The following DIP2C variants were observed in gnomAD, a reference collection of about 807,000 sequenced individuals.
The protein encoded by DIP2C is DIP2 acetate--CoA ligase C (putative).
DIP2C carries 33 observed loss-of-function variants against 192.4 expected under a neutral mutation model. The observed-to-expected ratio is 0.17, with a 90% CI of 0.13 to 0.23. The LOEUF (loss-of-function observed/expected upper bound fraction) is 0.23, where lower values mean the gene tolerates loss of function less well. Among genes scored for constraint, DIP2C ranks in the 10% least tolerant of loss-of-function variants. DIP2C has a pLI of 1.00. For synonymous variants in DIP2C, 979 were observed against 864.1 expected, an observed-to-expected ratio of 1.13 and a Z score of -2.33; for missense variants, 1,537 against 2,110.1, an observed-to-expected ratio of 0.73 and a Z score of 5.32.
intron 29 of DIP2C, 168 bp downstream of exon 29, chr10:341,031 C>G (rs764125645): frequency 1.0e-6 from 1 of 977,224 alleles, no homozygotes; most frequent in South Asian, 1.3e-5. Context: ...CTGCTTTCCC[C>G]GAGAGCCAAG....
intron 2 of DIP2C, 93 bp downstream of exon 2, chr10:486,366 G>C (rs890712800): frequency 1.6e-6 from 2 of 1,257,602 alleles, no homozygotes; most frequent in Non-Finnish European, 2.2e-6. Context: ...CTGCCGACTG[G>C]GAAGCAAGGG....
At chr10:529,040 C>T (rs992965132) in intron 1 of DIP2C, among the ~76,000 whole-genome samples, 4 of 152,178 alleles carry the variant, frequency 2.6e-5, no homozygotes, top group East Asian at 1.9e-4. Flanking sequence ...CCTGTGAGGA[C>T]GGCGCTGCCG....
intron 29 of DIP2C, among the ~76,000 whole-genome samples, chr10:330,361 T>C (rs1589500987): frequency 6.6e-6 from 1 of 152,228 alleles, no homozygotes; most frequent in Non-Finnish European, 1.5e-5. Flanking sequence ...TTACATATTT[T>C]ATCAATTGAT....
chr10:526,424 G>A (rs1463820775), intron 1 of DIP2C, among the ~76,000 whole-genome samples: 1 of 151,532 alleles, frequency 6.6e-6, no homozygotes, highest in Middle Eastern at 3.2e-3. Flanking sequence ...CCACTGTAGA[G>A]ACTAATTTCT....
intron 4 of DIP2C, among the ~76,000 whole-genome samples, chr10:427,946 G>A (rs1373626288): frequency 1.3e-5 from 2 of 152,112 alleles, no homozygotes; most frequent in East Asian, 1.9e-4. Context: ...TATACACAAA[G>A]ATATGTACAT....
intron 1 of DIP2C, among the ~76,000 whole-genome samples, chr10:597,993 C>T (rs1051202574): frequency 2.0e-5 from 3 of 152,212 alleles, no homozygotes; most frequent in East Asian, 1.9e-4. Context: ...CTGGGGCTGA[C>T]GTGGCTTCAT....
chr10:672,449 T>A (rs1217408256), intron 1 of DIP2C, among the ~76,000 whole-genome samples: 1 of 152,224 alleles, frequency 6.6e-6, no homozygotes, highest in East Asian at 1.9e-4. Context: ...AGGATGGCTG[T>A]GGAGCTCCTG....
chr10:448,866 AC>A, intron 3 of DIP2C, among the ~76,000 whole-genome samples: 1 of 100,232 alleles, frequency 1.0e-5, no homozygotes, highest in Non-Finnish European at 1.9e-5. Flanking sequence ...GGACCTGCTC[AC>A]TCCCGTCGAT....
intron 22 of DIP2C, among the ~76,000 whole-genome samples, chr10:361,014 C>A (rs1036806975): frequency 6.6e-6 from 1 of 152,096 alleles, no homozygotes; most frequent in Non-Finnish European, 1.5e-5. Flanking sequence ...AAGCTGGGGC[C>A]CCGGGGCAGG....
At chr10:647,643 G>C (rs1855535659) in intron 1 of DIP2C, among the ~76,000 whole-genome samples, 1 of 146,172 alleles carries the variant, frequency 6.8e-6, no homozygotes, top group Non-Finnish European at 1.5e-5. Context: ...GAGAACAGAG[G>C]GAAACTGAAT....
At chr10:328,853 G>A (rs1274835499) in intron 30 of DIP2C, among the ~76,000 whole-genome samples, 2 of 152,096 alleles carry the variant, frequency 1.3e-5, no homozygotes, top group Admixed American at 6.6e-5. Flanking sequence ...CTAGTTACTT[G>A]GAGCTAAGGA....
chr10:598,582 C>A (rs1349008651), intron 1 of DIP2C, among the ~76,000 whole-genome samples: 1 of 150,634 alleles, frequency 6.6e-6, no homozygotes, highest in Non-Finnish European at 1.5e-5. Context: ...CCTCACGCCA[C>A]CCCTCCCCAC....
At chr10:533,425 A>G (rs1282641421) in intron 1 of DIP2C, among the ~76,000 whole-genome samples, 1 of 152,152 alleles carries the variant, frequency 6.6e-6, no homozygotes, top group Non-Finnish European at 1.5e-5. Flanking sequence ...GGCAAACTAA[A>G]CAAAGGCTTG....
chr10:334,043 G>A lies in DIP2C; in HGVS notation c.3585-4442C>T, dbSNP rs111681075. Reference sequence around the variant, plus strand: ...ACATAGGCTGGGTGCAGTGGCTCACGCCTGTAATCCCAGCACTTTGGGAGG... The same window carrying A: ...ACATAGGCTGGGTGCAGTGGCTCACACCTGTAATCCCAGCACTTTGGGAGG... On this transcript the variant is annotated intron_variant, in intron 29 of 36. Coordinates refer to ENST00000280886, the MANE Select transcript of DIP2C (RefSeq NM_014974.3). Among the ~76,000 whole-genome samples the A allele has an allele frequency of 1.3e-3, 198 of 152,212 alleles. 1 individual carries two copies. The South Asian group carries it at 0.013, about 10-fold the overall frequency.
At chr10:393,126 C>T (rs116836925) in intron 10 of DIP2C, among the ~76,000 whole-genome samples, 1 of 152,292 alleles carries the variant, frequency 6.6e-6, no homozygotes, top group African/African-American at 2.4e-5. Flanking sequence ...CTGAGGCCAA[C>T]TCCGGGAAAC....
intron 14 of DIP2C, among the ~76,000 whole-genome samples, chr10:387,043 T>C (rs1358062905): frequency 6.6e-6 from 1 of 152,070 alleles, no homozygotes; most frequent in Non-Finnish European, 1.5e-5. Context: ...GGAAACTACT[T>C]TCCCCCGCAG....
At chr10:591,977 G>A (rs1851431096) in intron 1 of DIP2C, among the ~76,000 whole-genome samples, 1 of 152,204 alleles carries the variant, frequency 6.6e-6, no homozygotes, top group African/African-American at 2.4e-5. Flanking sequence ...GCGAGTCTAA[G>A]TCGCCAGAAA....
At chr10:377,326 G>A (rs1961741383) in intron 17 of DIP2C, among the ~76,000 whole-genome samples, 1 of 152,230 alleles carries the variant, frequency 6.6e-6, no homozygotes, top group African/African-American at 2.4e-5. Flanking sequence ...CCCCTCCTCT[G>A]CCATCTTCCC....
At chr10:514,875 G>A (rs1315392899) in intron 1 of DIP2C, among the ~76,000 whole-genome samples, 1 of 152,118 alleles carries the variant, frequency 6.6e-6, no homozygotes, top group East Asian at 1.9e-4. Context: ...GGAAGTGAAG[G>A]GGGTAAAATT....
Sources: gnomAD v4.1 joint callset for allele counts (sites outside exome capture counted in the v4.1 genomes callset) on GRCh38, gnomAD v4.1.1 for gene constraint, MANE v1.5 for transcripts, NCBI Gene and HGNC (gene_info 2026-07-23, HGNC 2026-07-21) for gene names.